LARGE1: variants seen among roughly 807,000 people sequenced by gnomAD.
The protein encoded by LARGE1 is LARGE xylosyl- and glucuronyltransferase 1.
Under a neutral mutation model 87.6 loss-of-function variants are expected in LARGE1, and 43 were observed. That is an observed-to-expected ratio of 0.49 (90% CI 0.38 to 0.63). The LOEUF (loss-of-function observed/expected upper bound fraction) is 0.63, where lower values mean the gene tolerates loss of function less well. Ranked by LOEUF, LARGE1 falls within the 30% of genes least tolerant of loss-of-function variation. LARGE1 has a pLI of 0.00. For synonymous variants in LARGE1, 434 were observed against 394.6 expected (o/e 1.10, Z -1.18); for missense variants, 802 against 1,000.2 (o/e 0.80, Z 2.67).
the LARGE1 span, among the ~76,000 whole-genome samples, chr22:33,096,139 G>A: frequency 3.9e-5 from 6 of 152,188 alleles, no homozygotes; most frequent in Non-Finnish European, 8.8e-5. Context: ...ACCCAGGCCA[G>A]GCGCGGTGGC....
chr22:33,440,572 T>C (rs868513328), intron 6 of LARGE1, among the ~76,000 whole-genome samples: 42 of 152,330 alleles, frequency 2.8e-4, no homozygotes, highest in African/African-American at 9.6e-4. Flanking sequence ...TATTTTAAAA[T>C]AGAAAAGCAT....
At chr22:33,782,708 T>C (rs977457496) in intron 1 of LARGE1, among the ~76,000 whole-genome samples, 3 of 151,602 alleles carry the variant, frequency 2.0e-5, no homozygotes, top group African/African-American at 4.8e-5. Flanking sequence ...CTACTAAAAA[T>C]ACAAAAATTA....
chr22:33,463,410 C>G (rs1440586037), intron 6 of LARGE1, among the ~76,000 whole-genome samples: 2 of 151,752 alleles, frequency 1.3e-5, no homozygotes, highest in South Asian at 2.1e-4. Context: ...ACAAGATGTA[C>G]AAGACTTTAA....
the LARGE1 span, among the ~76,000 whole-genome samples, chr22:33,152,490 G>A: frequency 2.9e-4 from 44 of 152,228 alleles, no homozygotes; most frequent in Non-Finnish European, 5.3e-4. Flanking sequence ...CAGCTGAGAG[G>A]TCTTTTCAGT....
chr22:33,647,780 C>T (rs1054276932), intron 3 of LARGE1, among the ~76,000 whole-genome samples: 3 of 151,812 alleles, frequency 2.0e-5, no homozygotes, highest in East Asian at 1.9e-4. Flanking sequence ...TCTTTTGAGA[C>T]GGAGTTTTGC....
chr22:33,104,002 C>T, the LARGE1 span, among the ~76,000 whole-genome samples: 7 of 152,278 alleles, frequency 4.6e-5, no homozygotes, highest in East Asian at 3.9e-4. Context: ...CACATGGAAC[C>T]GTGAGTCCAT....
At chr22:33,112,613 T>C in the LARGE1 span, among the ~76,000 whole-genome samples, 1 of 152,138 alleles carries the variant, frequency 6.6e-6, no homozygotes, top group African/African-American at 2.4e-5. Context: ...TTAAAAGGTA[T>C]AAATAGTCCT....
At chr22:33,729,985 C>T (rs917992375) in intron 2 of LARGE1, among the ~76,000 whole-genome samples, 4 of 151,604 alleles carry the variant, frequency 2.6e-5, no homozygotes, top group East Asian at 1.9e-4. Context: ...TGTGTGCATG[C>T]GTGTGTGTGT....
intron 1 of LARGE1, among the ~76,000 whole-genome samples, chr22:33,826,446 A>C (rs1453674562): frequency 1.3e-5 from 2 of 151,244 alleles, no homozygotes; most frequent in African/African-American, 4.9e-5. Flanking sequence ...GGGTTCAAGC[A>C]GTTCTCCTAC....
rs373010521 is a variant in LARGE1, at chr22:33,413,245, C to G, written c.892+18916G>C. On this transcript the variant is annotated intron_variant, in intron 7 of 14. Transcript: ENST00000397394. ...ATAGTGGAGTTTTAAAGCAACTGAA[C>G]CACTCTTTCTGAAAGAGTGGTATAA... Among the ~76,000 whole-genome samples, 24 of 152,202 alleles carry G rather than the reference C, an allele frequency of 1.6e-4. No individual in the cohort carries two copies. The East Asian group carries it at 2.9e-3, about 18-fold the overall frequency.
chr22:33,755,457 C>A (rs545051450), intron 2 of LARGE1, among the ~76,000 whole-genome samples: 1 of 152,290 alleles, frequency 6.6e-6, no homozygotes, highest in South Asian at 2.1e-4. Flanking sequence ...CTGAAAAGCA[C>A]CCTTTTTCCA....
At position 33,337,623 on chromosome 22, in the gene LARGE1, G is replaced by T. The variant is rs201864904; in HGVS notation, c.1287+23C>A. 219 of 1,613,760 alleles carry T rather than the reference G, an allele frequency of 1.4e-4. No individual in the cohort carries two copies. The African/African-American group carries it at 1.5e-3, about 11-fold the overall frequency. The stretch of plus-strand genomic sequence containing the variant: ...TGAGCAGAGAAGCCGCCCCTTCCCT[G>T]CCCAGCCTTGCGAGCCACTTACGTT... On this transcript the variant is annotated intron_variant, in intron 10 of 14. Coordinates refer to ENST00000397394, the MANE Select transcript of LARGE1 (RefSeq NM_133642.5).
At chr22:33,494,582 T>C (rs1219565404) in intron 6 of LARGE1, among the ~76,000 whole-genome samples, 4 of 152,194 alleles carry the variant, frequency 2.6e-5, no homozygotes, top group Non-Finnish European at 4.4e-5. Flanking sequence ...ATCTGTATAT[T>C]TTAAATGGTT....
intron 2 of LARGE1, among the ~76,000 whole-genome samples, chr22:33,653,875 C>A (rs1173740505): frequency 6.6e-6 from 1 of 152,184 alleles, no homozygotes; most frequent in Non-Finnish European, 1.5e-5. Context: ...GAGCTTCCTG[C>A]CTTCATCCTT....
At chr22:33,865,524 T>C (rs1007455953) in intron 1 of LARGE1, among the ~76,000 whole-genome samples, 5 of 152,110 alleles carry the variant, frequency 3.3e-5, no homozygotes, top group African/African-American at 1.2e-4. Flanking sequence ...CCAAGGAGGG[T>C]GGCAGGTAGC....
chr22:33,390,236 A>T (rs980047114), intron 7 of LARGE1, among the ~76,000 whole-genome samples: 1 of 152,210 alleles, frequency 6.6e-6, no homozygotes, highest in African/African-American at 2.4e-5. Context: ...AGACAAAAAC[A>T]TTCATGAGCA....
At chr22:33,453,330 G>A (rs539092058) in intron 6 of LARGE1, among the ~76,000 whole-genome samples, 8 of 152,000 alleles carry the variant, frequency 5.3e-5, no homozygotes, top group Admixed American at 1.3e-4. Context: ...CAGGAGAATC[G>A]CTTGAACCTG....
intron 9 of LARGE1, among the ~76,000 whole-genome samples, chr22:33,379,164 T>G (rs1206668144): frequency 7.1e-6 from 1 of 140,418 alleles, no homozygotes; most frequent in African/African-American, 2.8e-5. Flanking sequence ...GAACTTTCAG[T>G]GGGGAAGTTC....
intron 11 of LARGE1, among the ~76,000 whole-genome samples, chr22:33,239,421 C>T (rs1166078972): frequency 6.6e-6 from 1 of 151,882 alleles, no homozygotes; most frequent in Non-Finnish European, 1.5e-5. Flanking sequence ...TGGTATATCA[C>T]AATGGTTTTA....
Sources: allele counts gnomAD v4.1 joint callset (sites outside exome capture counted in the v4.1 genomes callset), GRCh38; gene constraint gnomAD v4.1.1; transcripts MANE v1.5; gene names NCBI Gene and HGNC (gene_info 2026-07-23, HGNC 2026-07-21).